SHLD2: variants seen among roughly 807,000 people sequenced by gnomAD.
SHLD2 encodes the protein shieldin complex subunit 2.
A neutral mutation model predicts 73.2 loss-of-function variants in SHLD2; 30 were observed. That is an observed-to-expected ratio of 0.41 (90% CI 0.31 to 0.56). SHLD2 has a LOEUF of 0.56. Ranked by LOEUF, SHLD2 falls within the 20% of genes least tolerant of loss-of-function variation. The pLI is 0.28. For synonymous variants in SHLD2, 285 were observed against 370.1 expected (o/e 0.77, Z 2.64); for missense variants, 745 against 1,055.9 (o/e 0.71, Z 4.08).
intron 2 of SHLD2, among the ~76,000 whole-genome samples, chr10:87,131,644 T>C (rs979262536): frequency 3.9e-5 from 6 of 152,194 alleles, no homozygotes; most frequent in African/African-American, 7.2e-5. Context: ...CTGCTTTTTC[T>C]GGCTATTGTA....
At position 87,120,254 on chromosome 10, in the gene SHLD2, A is replaced by ATTTTT. The variant is rs764204596; in HGVS notation, c.-6+23268_-6+23269insTTTTT. 4.9e-3 allele frequency among the ~76,000 whole-genome samples: 726 copies of ATTTTT among 149,586 alleles called. 9 individuals are homozygous for ATTTTT. Among genetic ancestry groups the ATTTTT allele is most frequent in the African/African-American group, 0.017 (690 of 39,794 alleles). On this transcript the variant is annotated intron_variant, in intron 2 of 9. Coordinates refer to ENST00000298786, the MANE Select transcript of SHLD2 (RefSeq NM_001330112.2). ...TATTTATTTATTTATTTATTTATTTATTTATTTTTTTGAGACAGAGTCTTG... is the reference window on the plus strand; with the variant it reads ...TATTTATTTATTTATTTATTTATTTATTTTTTTTATTTTTTTGAGACAGAGTCTTG...
rs558571468 is a variant in SHLD2, at chr10:87,113,776, C to T, written c.-6+16787C>T. Among the ~76,000 whole-genome samples the T allele has an allele frequency of 2.0e-3, 311 of 152,212 alleles. 1 individual carries two copies. The highest frequency in any genetic ancestry group is 6.8e-3 in the Middle Eastern group (2 of 294). On this transcript the variant is annotated intron_variant, in intron 2 of 9. Coordinates refer to ENST00000298786, the MANE Select transcript of SHLD2 (RefSeq NM_001330112.2). ...AATCCCAGGCTTTGGGAGGCCGAGG[C>T]GAGTGGATCACTTGAGGCCAGGAGT... is the stretch of plus-strand genomic sequence containing the variant.
In SHLD2 at chr10:87,104,742, C is replaced by G. The variant is rs962748039; in HGVS notation, c.-6+7753C>G. Among the ~76,000 whole-genome samples, 11 of 151,482 alleles carry G rather than the reference C, an allele frequency of 7.3e-5. No individual in the cohort carries two copies. In the East Asian group the frequency reaches 2.1e-3, roughly 30 times the overall value. On this transcript the variant is annotated intron_variant, in intron 2 of 9. Coordinates refer to ENST00000298786, the MANE Select transcript of SHLD2 (RefSeq NM_001330112.2). ...GTGGCACAATCTCGGCTCGCTGCAA[C>G]CTCCACTTCCCGGGTTCAAGTGATT... is the stretch of plus-strand genomic sequence containing the variant.
intron 9 of SHLD2, among the ~76,000 whole-genome samples, chr10:87,187,457 A>G (rs886206792): frequency 2.0e-5 from 3 of 152,238 alleles, no homozygotes; most frequent in African/African-American, 7.2e-5. Flanking sequence ...AAACTATTTT[A>G]CTTAACTCTA....
intron 2 of SHLD2, among the ~76,000 whole-genome samples, chr10:87,108,108 G>A (rs1377668162): frequency 6.6e-6 from 1 of 152,020 alleles, no homozygotes; most frequent in East Asian, 1.9e-4. Context: ...GGAGTGCAAT[G>A]GCGTGATCTT....
chr10:87,130,857 G>T (rs941348834), intron 2 of SHLD2, among the ~76,000 whole-genome samples: 4 of 152,132 alleles, frequency 2.6e-5, no homozygotes, highest in Admixed American at 6.5e-5. Flanking sequence ...GACTCCTTGC[G>T]TCTGGGAGTT....
intron 7 of SHLD2, among the ~76,000 whole-genome samples, chr10:87,178,699 A>C (rs1400694979): frequency 6.6e-6 from 1 of 152,142 alleles, no homozygotes; most frequent in Admixed American, 6.5e-5. Context: ...CCTGGACGAC[A>C]GAGTGAGACT....
intron 2 of SHLD2, among the ~76,000 whole-genome samples, chr10:87,099,792 CTTG>C (rs1007137076): frequency 1.3e-5 from 2 of 152,186 alleles, no homozygotes; most frequent in African/African-American, 4.8e-5. Flanking sequence ...TTCACCAACA[CTTG>C]TTATGTGTGT....
At chr10:87,122,886 T>C (rs1589476702) in intron 2 of SHLD2, among the ~76,000 whole-genome samples, 1 of 152,316 alleles carries the variant, frequency 6.6e-6, no homozygotes, top group East Asian at 1.9e-4. Context: ...CACGCCATTC[T>C]CCTGCCTCAG....
chr10:87,165,335 C>T (rs933763543), intron 4 of SHLD2, among the ~76,000 whole-genome samples: 2 of 152,050 alleles, frequency 1.3e-5, no homozygotes, highest in Non-Finnish European at 2.9e-5. Flanking sequence ...TGCATAGTCT[C>T]AAAGTATCTC....
intron 2 of SHLD2, among the ~76,000 whole-genome samples, chr10:87,129,939 G>A (rs554666583): frequency 1.3e-5 from 2 of 151,996 alleles, no homozygotes; most frequent in African/African-American, 4.8e-5. Flanking sequence ...ACTAATGATG[G>A]GGTATAAAAT....
At chr10:87,168,227 T>C (rs1847339491) in intron 4 of SHLD2, among the ~76,000 whole-genome samples, 1 of 151,964 alleles carries the variant, frequency 6.6e-6, no homozygotes, top group Admixed American at 6.6e-5. Context: ...GCAATCAACC[T>C]AGGTGGCCAT....
intron 4 of SHLD2, among the ~76,000 whole-genome samples, chr10:87,167,798 C>T (rs1480515336): frequency 2.6e-5 from 4 of 152,064 alleles, no homozygotes; most frequent in Non-Finnish European, 4.4e-5. Flanking sequence ...GTGCATGCCC[C>T]CATGCCCAGC....
rs566005971 is a variant in SHLD2 at position 87,125,184 on chromosome 10, C to T, written c.-5-26166C>T. On this transcript the variant is annotated intron_variant, in intron 2 of 9. Coordinates refer to ENST00000298786, the MANE Select transcript of SHLD2 (RefSeq NM_001330112.2). ...AAACTCATATCTCATTTAAGGTGTC[C>T]ATCTGAATTTTATGTTTGGATGATT... is the stretch of plus-strand genomic sequence containing the variant. Among the ~76,000 whole-genome samples the T allele has an allele frequency of 4.4e-3, 673 of 152,200 alleles. 3 individuals are homozygous for T. The highest frequency in any genetic ancestry group is 0.02 in the South Asian group (94 of 4,820).
At chr10:87,133,617 C>T (rs1844589515) in intron 2 of SHLD2, among the ~76,000 whole-genome samples, 1 of 152,114 alleles carries the variant, frequency 6.6e-6, no homozygotes, top group African/African-American at 2.4e-5. Flanking sequence ...TCTGTAATTC[C>T]TGCTTAGAAC....
intron 8 of SHLD2, among the ~76,000 whole-genome samples, chr10:87,185,268 ATATTG>A (rs1391551770): frequency 2.0e-5 from 3 of 152,190 alleles, no homozygotes; most frequent in Non-Finnish European, 2.9e-5. Context: ...TTGCAAAATA[ATATTG>A]TATTGTATGC....
chr10:87,123,075 C>A (rs1843737708), intron 2 of SHLD2, among the ~76,000 whole-genome samples: 1 of 152,102 alleles, frequency 6.6e-6, no homozygotes, highest in African/African-American at 2.4e-5. Flanking sequence ...CTGCACCTGG[C>A]CTTTTTTTGG....
intron 2 of SHLD2, among the ~76,000 whole-genome samples, chr10:87,097,921 G>C (rs745351264): frequency 6.6e-6 from 1 of 151,744 alleles, no homozygotes; most frequent in African/African-American, 2.4e-5. Context: ...CACCATGCCA[G>C]GCTAATTTTT....
At chr10:87,102,403 C>T (rs1488450284) in intron 2 of SHLD2, among the ~76,000 whole-genome samples, 1 of 152,150 alleles carries the variant, frequency 6.6e-6, no homozygotes. Flanking sequence ...TGAACCATCA[C>T]CCTGGGTAAT....
Sources: allele counts gnomAD v4.1 joint callset (sites outside exome capture counted in the v4.1 genomes callset), GRCh38; gene constraint gnomAD v4.1.1; transcripts MANE v1.5; gene names NCBI Gene and HGNC (gene_info 2026-07-23, HGNC 2026-07-21).